Variants in LRBA observed in about 807,000 individuals in gnomAD.
The protein encoded by LRBA is lipopolysaccharide-responsive and beige-like anchor protein.
LRBA carries 176 observed loss-of-function variants against 330.0 expected under a neutral mutation model. The observed-to-expected ratio is 0.53, with a 90% CI of 0.47 to 0.60. LRBA has a LOEUF of 0.60. LRBA is among the 20% of genes least tolerant of loss of function. The pLI, the probability that LRBA is intolerant of heterozygous loss-of-function variation, is 0.00. For synonymous variants in LRBA, 1,230 were observed against 1,193.0 expected (o/e 1.03, Z -0.64); for missense variants, 3,259 against 3,444.8 (o/e 0.95, Z 1.35).
At position 150,782,470 on chromosome 4, in the gene LRBA, ACT is replaced by A. The variant is rs1314764848; in HGVS notation, c.5580+15609_5580+15610del. Among the ~76,000 whole-genome samples the A allele has an allele frequency of 9.2e-5, 14 of 151,896 alleles. No individual in the cohort carries two copies. In the South Asian group the frequency reaches 2.9e-3, roughly 32 times the overall value. ...TCTCCTTCTGGAGACTCCAGGGGAGACTCTGTTCCTTGCTTCTTCCAGCTTCT... is the reference window on the plus strand; with the variant it reads ...TCTCCTTCTGGAGACTCCAGGGGAGACTGTTCCTTGCTTCTTCCAGCTTCT... On this transcript the variant is annotated intron_variant, in intron 34 of 56. Coordinates refer to ENST00000651943, the MANE Select transcript of LRBA (RefSeq NM_001364905.1).
chr4:150,938,586 C>T (rs573494008), intron 2 of LRBA, among the ~76,000 whole-genome samples: 5 of 152,286 alleles, frequency 3.3e-5, no homozygotes, highest in South Asian at 2.1e-4. Flanking sequence ...GCAGTAAATA[C>T]GTGCAACCTC....
intron 47 of LRBA, among the ~76,000 whole-genome samples, chr4:150,364,305 G>A (rs771016929): frequency 2.0e-5 from 3 of 152,182 alleles, no homozygotes; most frequent in Non-Finnish European, 4.4e-5. Flanking sequence ...CCAGCTTTAT[G>A]CTAAATGTTT....
At chr4:150,559,932 ATATATATC>A (rs1768088603) in intron 40 of LRBA, among the ~76,000 whole-genome samples, 2 of 103,946 alleles carry the variant, frequency 1.9e-5, no homozygotes, top group African/African-American at 3.8e-5. Context: ...ATATAAATAT[ATATATATC>A]TATATAAATA....
At chr4:150,501,195 A>C (rs1408522173) in intron 40 of LRBA, among the ~76,000 whole-genome samples, 1 of 152,240 alleles carries the variant, frequency 6.6e-6, no homozygotes, top group Non-Finnish European at 1.5e-5. Context: ...ATTGGAGTTC[A>C]TACTTTAACT....
intron 2 of LRBA, among the ~76,000 whole-genome samples, chr4:151,007,471 C>T (rs1417366532): frequency 1.3e-5 from 2 of 149,432 alleles, no homozygotes; most frequent in Admixed American, 6.7e-5. Context: ...CGCCACTGCA[C>T]TCCAGCCTGG....
chr4:150,716,488 A>G (rs944732667), intron 36 of LRBA, among the ~76,000 whole-genome samples: 1 of 152,242 alleles, frequency 6.6e-6, no homozygotes, highest in Non-Finnish European at 1.5e-5. Context: ...AGTCAAAAAC[A>G]AAAAGCAAAA....
At chr4:150,814,497 G>C (rs1744258465) in intron 31 of LRBA, among the ~76,000 whole-genome samples, 4 of 151,798 alleles carry the variant, frequency 2.6e-5, no homozygotes, top group Admixed American at 2.6e-4. Context: ...CTGAAATAGA[G>C]AACCCATATG....
rs535477765 is a variant in LRBA at position 150,853,012 on chromosome 4, T to G, written c.2767-69A>C. 2.6e-5 allele frequency: 21 copies of G among 820,698 alleles called. 1 individual carries two copies. In the South Asian group the frequency reaches 6.2e-4, roughly 24 times the overall value. The allele number at this position is 820,698 out of a possible 1,614,324, so 50.8% of individuals were successfully genotyped here. A position where few individuals can be genotyped will look rare whatever the true frequency, so the allele number is the denominator to read the frequency against. ...GAAGACAGAATACAAAATATAAAACTAAATAATTTTCAAATACATAGTTTA... is the reference window on the plus strand; with the variant it reads ...GAAGACAGAATACAAAATATAAAACGAAATAATTTTCAAATACATAGTTTA... On this transcript the variant is annotated intron_variant, in intron 22 of 56. Transcript: ENST00000651943.
intron 28 of LRBA, among the ~76,000 whole-genome samples, chr4:150,839,419 T>C (rs1748692229): frequency 1.3e-5 from 2 of 152,174 alleles, no homozygotes; most frequent in Non-Finnish European, 2.9e-5. Context: ...ATCATGCTGC[T>C]ATAAAGACAC....
Position 150,499,825 on chromosome 4 carries a change from C to G in LRBA, c.6331-8790G>C, listed in dbSNP as rs376341180. Among the ~76,000 whole-genome samples the G allele has an allele frequency of 1.1e-4, 16 of 152,040 alleles. No individual in the cohort carries two copies. In the East Asian group the frequency reaches 2.5e-3, roughly 24 times the overall value. On this transcript the variant is annotated intron_variant, in intron 40 of 56. Coordinates refer to ENST00000651943, the MANE Select transcript of LRBA (RefSeq NM_001364905.1). ...CAGAAACTCTCTTTCTTCTCAATGCCAATTCTTCCTTCATGAACTCCATCT... is the reference window on the plus strand; with the variant it reads ...CAGAAACTCTCTTTCTTCTCAATGCGAATTCTTCCTTCATGAACTCCATCT...
chr4:150,284,808 G>A (rs552577318), intron 54 of LRBA, among the ~76,000 whole-genome samples: 104 of 152,190 alleles, frequency 6.8e-4, no homozygotes, highest in Non-Finnish European at 1.1e-3. Flanking sequence ...TTACAGGCAT[G>A]AGCCACCATG....
intron 34 of LRBA, among the ~76,000 whole-genome samples, chr4:150,783,878 A>C (rs1738627274): frequency 6.6e-6 from 1 of 152,252 alleles, no homozygotes; most frequent in Non-Finnish European, 1.5e-5. Context: ...CCTTGAAAAT[A>C]AGGCAGAGAA....
intron 40 of LRBA, among the ~76,000 whole-genome samples, chr4:150,569,270 A>C (rs1769542347): frequency 6.6e-6 from 1 of 152,178 alleles, no homozygotes; most frequent in Non-Finnish European, 1.5e-5. Context: ...GTGTTAGATT[A>C]GTGACCTAAG....
chr4:150,392,069 T>G (rs975609930), intron 47 of LRBA, among the ~76,000 whole-genome samples: 1 of 152,004 alleles, frequency 6.6e-6, no homozygotes, highest in Non-Finnish European at 1.5e-5. Flanking sequence ...AAATGTCCTT[T>G]CTAGTCTTAT....
At chr4:150,686,346 C>A (rs4696220) in intron 36 of LRBA, among the ~76,000 whole-genome samples, 1 of 152,116 alleles carries the variant, frequency 6.6e-6, no homozygotes, top group African/African-American at 2.4e-5. Context: ...AAATTTCATA[C>A]GCTATATTTT....
intron 52 of LRBA, among the ~76,000 whole-genome samples, chr4:150,304,398 T>C (rs1444806919): frequency 2.6e-5 from 4 of 152,200 alleles, no homozygotes; most frequent in Non-Finnish European, 5.9e-5. Context: ...AAAAGTCAAA[T>C]ACATGTTTTC....
intron 28 of LRBA, among the ~76,000 whole-genome samples, chr4:150,835,843 A>G (rs2126846005): frequency 6.6e-6 from 1 of 152,284 alleles, no homozygotes; most frequent in Admixed American, 6.5e-5. Context: ...ACTATGTTGA[A>G]TAAGAGTGGT....
chr4:150,989,047 G>A (rs938550012), intron 2 of LRBA, among the ~76,000 whole-genome samples: 1 of 152,010 alleles, frequency 6.6e-6, no homozygotes, highest in African/African-American at 2.4e-5. Context: ...CTGTCACCCA[G>A]GCTGGAGTAC....
At chr4:150,894,648 T>C (rs1411787450) in intron 16 of LRBA, among the ~76,000 whole-genome samples, 3 of 152,180 alleles carry the variant, frequency 2.0e-5, no homozygotes, top group Non-Finnish European at 4.4e-5. Flanking sequence ...GGAAGCTACT[T>C]GTATACCGAA....
Sources: allele counts gnomAD v4.1 joint callset (sites outside exome capture counted in the v4.1 genomes callset), GRCh38; gene constraint gnomAD v4.1.1; transcripts MANE v1.5; gene names NCBI Gene and HGNC (gene_info 2026-07-23, HGNC 2026-07-21).